The following DST variants were observed in gnomAD, a reference collection of about 807,000 sequenced individuals.
The protein encoded by DST is bullous pemphigoid antigen.
In DST, 253 loss-of-function variants were observed where a neutral mutation model predicts 875.2. That is an observed-to-expected ratio of 0.29 (90% CI 0.26 to 0.32). The LOEUF (loss-of-function observed/expected upper bound fraction) is 0.32. Among genes scored for constraint, DST ranks in the 10% least tolerant of loss-of-function variants. DST has a pLI of 1.00. For synonymous variants in DST, 3,124 were observed against 3,197.1 expected (o/e 0.98, Z 0.77); for missense variants, 8,287 against 9,111.6 (o/e 0.91, Z 3.68).
In DST at chr6:56,954,394, C is replaced by T. The variant is rs772160576; in HGVS notation, c.181+13G>A. Reference sequence around the variant, plus strand: ...CCTGGTAGCCCGCAGAAACCCGTCGCGGCGTGTCTTACCTCGGCTTCTTGA... The same window carrying T: ...CCTGGTAGCCCGCAGAAACCCGTCGTGGCGTGTCTTACCTCGGCTTCTTGA... On this transcript the variant is annotated intron_variant, in intron 1 of 103. Transcript: ENST00000680361. The T allele has an allele frequency of 7.3e-7, 1 of 1,363,158 alleles. No homozygotes were observed. Among genetic ancestry groups the T allele is most frequent in the East Asian group, 4.6e-5 (1 of 21,886 alleles). 84.4% of individuals were successfully genotyped at this position (1,363,158 alleles called of 1,614,324 possible).
chr6:56,674,240 CA>C (rs1249347378), intron 9 of DST, among the ~76,000 whole-genome samples: 1 of 152,034 alleles, frequency 6.6e-6, no homozygotes, highest in African/African-American at 2.4e-5. Context: ...ATCTTAATTC[CA>C]ACAGTTAATG....
In DST at chr6:56,773,884, G is replaced by A. The variant is rs1019914360; in HGVS notation, c.626-38595C>T. Among the ~76,000 whole-genome samples, 12 of 152,158 alleles carry A rather than the reference G, an allele frequency of 7.9e-5. No individual in the cohort carries two copies. The South Asian group carries it at 1.2e-3, about 16-fold the overall frequency. On this transcript the variant is annotated intron_variant, in intron 4 of 103. Transcript: ENST00000680361. ...TGTAATCCCAGCACTTTGGGAGGCC[G>A]AGGCGGGTGGATCATTTGAGGTCAG... is the stretch of plus-strand genomic sequence containing the variant.
intron 4 of DST, among the ~76,000 whole-genome samples, chr6:56,798,909 T>C (rs1050342556): frequency 1.3e-5 from 2 of 152,166 alleles, no homozygotes; most frequent in East Asian, 3.8e-4. Context: ...AGGAAGTAAC[T>C]GCAGATGTGG....
chr6:56,782,372 A>C (rs1352909022), intron 4 of DST, among the ~76,000 whole-genome samples: 1 of 152,120 alleles, frequency 6.6e-6, no homozygotes, highest in Non-Finnish European at 1.5e-5. Flanking sequence ...TTTGGTTGGT[A>C]AGCTATTGAT....
intron 3 of DST, among the ~76,000 whole-genome samples, chr6:56,867,982 T>C (rs1775075492): frequency 6.6e-6 from 1 of 152,254 alleles, no homozygotes; most frequent in Admixed American, 6.5e-5. Flanking sequence ...ACCCGTGTTC[T>C]AGAAATAAAC....
intron 58 of DST, 91 bp from the exon 59 acceptor site, chr6:56,557,609 T>C: frequency 1.0e-6 from 1 of 978,518 alleles, no homozygotes; most frequent in Non-Finnish European, 1.5e-6. Context: ...TTTAAAATGA[T>C]ATATAATGGC....
At chr6:56,823,747 T>C (rs913051494) in intron 4 of DST, among the ~76,000 whole-genome samples, 2 of 152,082 alleles carry the variant, frequency 1.3e-5, no homozygotes, top group African/African-American at 4.8e-5. Flanking sequence ...ACTTCAAACT[T>C]CATCTGCTTG....
intron 72 of DST, among the ~76,000 whole-genome samples, chr6:56,512,834 A>G (rs7454479): frequency 6.6e-6 from 1 of 152,208 alleles, no homozygotes; most frequent in Non-Finnish European, 1.5e-5. Context: ...GATGAATTCA[A>G]TTTTAAAAGA....
At chr6:56,557,852 T>C (rs990876084) in intron 58 of DST, among the ~76,000 whole-genome samples, 1 of 152,140 alleles carries the variant, frequency 6.6e-6, no homozygotes, top group Non-Finnish European at 1.5e-5. Flanking sequence ...ACTAGAACAA[T>C]GAACAATAAT....
intron 72 of DST, among the ~76,000 whole-genome samples, chr6:56,512,053 C>T: frequency 6.6e-6 from 1 of 151,562 alleles, no homozygotes; most frequent in East Asian, 1.9e-4. Flanking sequence ...TGAATCTATT[C>T]TATATATATA....
intron 9 of DST, among the ~76,000 whole-genome samples, chr6:56,694,216 T>TAAAAAA (rs10660963): frequency 0.042 from 5,761 of 138,276 alleles, 171 homozygotes; most frequent in Non-Finnish European, 0.065. Context: ...ATAGATATGG[T>TAAAAAA]AAAAAAAAAA....
At chr6:56,491,445 A>G (rs1439941240) in intron 85 of DST, among the ~76,000 whole-genome samples, 1 of 152,206 alleles carries the variant, frequency 6.6e-6, no homozygotes, top group Non-Finnish European at 1.5e-5. Flanking sequence ...ATATTTGTCA[A>G]GCGAGGTAGG....
At chr6:56,777,262 A>G (rs907061396) in intron 4 of DST, among the ~76,000 whole-genome samples, 1 of 152,148 alleles carries the variant, frequency 6.6e-6, no homozygotes, top group Non-Finnish European at 1.5e-5. Context: ...AAGTGAGATA[A>G]AATAGATAAG....
Position 56,632,850 on chromosome 6 carries a change from T to G in DST, c.3805+4A>C. On this transcript the variant is annotated splice_donor_region_variant and intron_variant, in intron 28 of 103. Coordinates refer to ENST00000680361, the MANE Select transcript of DST (RefSeq NM_001374736.1). ...AAAAAAAGACAGGGATCCCCATGCT[T>G]TACCTCTTTCTGCAGATTTAAGAAG... 1 of 1,613,114 alleles carries G rather than the reference T, an allele frequency of 6.2e-7. No homozygotes were observed. Among genetic ancestry groups the G allele is most frequent in the Non-Finnish European group, 8.5e-7 (1 of 1,179,456 alleles).
At position 56,699,668 on chromosome 6, in the gene DST, T is replaced by A; in HGVS notation, c.1032A>T (p.Ile344=). The part of the protein sequence containing the change: ...PKLTLGLIWT[I]ILHFQISDIH... ...TTGGGCTTACCTGAAAGTGCAAAAT[T>A]ATTGTCCAGATTAATCCCAAAGTCA... The change falls in exon 9 of 104, where the codon ATA becomes ATT. Residue 344 remains isoleucine (I), a synonymous_variant. Transcript: ENST00000680361. 1 of 1,526,270 alleles carries A rather than the reference T, an allele frequency of 6.6e-7. No individual in the cohort carries two copies. Among genetic ancestry groups the A allele is most frequent in the Non-Finnish European group, 8.8e-7 (1 of 1,138,640 alleles). The allele number at this position is 1,526,270 out of a possible 1,614,324, so 94.5% of individuals were successfully genotyped here.
intron 43 of DST, among the ~76,000 whole-genome samples, 166 bp from the exon 44 acceptor site, chr6:56,601,842 T>C (rs746394350): frequency 9.2e-5 from 14 of 151,972 alleles, no homozygotes; most frequent in Non-Finnish European, 1.8e-4. Flanking sequence ...TAGTAATAAA[T>C]GATAAATTAA....
intron 2 of DST, among the ~76,000 whole-genome samples, chr6:56,931,163 A>G (rs1263223125): frequency 6.6e-6 from 1 of 152,160 alleles, no homozygotes; most frequent in Non-Finnish European, 1.5e-5. Context: ...AAGAAAGGCA[A>G]AGGGTATTTT....
At chr6:56,509,993 T>C in intron 73 of DST, 120 bp from the exon 74 acceptor site, 2 of 803,630 alleles carry the variant, frequency 2.5e-6, no homozygotes, top group Non-Finnish European at 1.9e-6. Context: ...TCTTAGCCTC[T>C]TTATCAACAG....
chr6:56,545,557 T>C (rs1415709485), intron 61 of DST, among the ~76,000 whole-genome samples: 1 of 151,918 alleles, frequency 6.6e-6, no homozygotes, highest in African/African-American at 2.4e-5. Flanking sequence ...ATTCCTAAAG[T>C]TTAATTAAAT....
Sources: gnomAD v4.1 joint callset for allele counts (sites outside exome capture counted in the v4.1 genomes callset) on GRCh38, gnomAD v4.1.1 for gene constraint, MANE v1.5 for transcripts, NCBI Gene and HGNC (gene_info 2026-07-23, HGNC 2026-07-21) for gene names.